Variants in SACS observed in about 807,000 individuals in gnomAD.
SACS encodes sacsin.
Under a neutral mutation model 348.0 loss-of-function variants are expected in SACS, and 197 were observed. That is an observed-to-expected ratio of 0.57 (90% CI 0.50 to 0.64). The LOEUF is 0.64. Ranked by LOEUF, SACS falls within the 30% of genes least tolerant of loss-of-function variation. The pLI is 0.00. For synonymous variants in SACS, 1,985 were observed against 1,910.6 expected (o/e 1.04, Z -1.02); for missense variants, 4,999 against 5,360.8 (o/e 0.93, Z 2.11).
chr13:23,342,019 C>T (rs1869289398), intron 9 of SACS, among the ~76,000 whole-genome samples: 1 of 152,008 alleles, frequency 6.6e-6, no homozygotes, highest in South Asian at 2.1e-4. Context: ...AATCTCCTGA[C>T]CTCGTGACCC....
chr13:23,401,713 T>A (rs1872984978), intron 2 of SACS, among the ~76,000 whole-genome samples: 1 of 152,252 alleles, frequency 6.6e-6, no homozygotes, highest in Non-Finnish European at 1.5e-5. Flanking sequence ...ACCACTTTTG[T>A]TTTACTTTCT....
chr13:23,339,550 T>A lies in SACS; in HGVS notation c.4326A>T (p.Arg1442Ser), dbSNP rs769882025. 6.2e-7 allele frequency: 1 copy of A among 1,613,366 alleles called. No homozygotes were observed. Among genetic ancestry groups the A allele is most frequent in the South Asian group, 1.1e-5 (1 of 91,062 alleles). ...ATCCCATGTTTTCAGGATTTATCAG[T>A]CTTGTACTAAGGCATGGAACTTTTA... ...EWLKVPCLST[R>S]LINPENMGFE... Residue 1442 changes from arginine (R) to serine (S), a missense_variant, in exon 10 of 10, where the codon AGA becomes AGT. This residue lies in a region of SACS where 3,156 missense variants were observed against 3,380.1 expected (regional missense o/e 0.93). Coordinates refer to ENST00000382292, the MANE Select transcript of SACS (RefSeq NM_014363.6).
At chr13:23,344,430 C>T (rs890823674) in intron 9 of SACS, among the ~76,000 whole-genome samples, 2 of 151,932 alleles carry the variant, frequency 1.3e-5, no homozygotes, top group South Asian at 2.1e-4. Flanking sequence ...ACTAACACAT[C>T]GGTCATGCTC....
chr13:23,405,126 A>C (rs551126408), intron 2 of SACS, among the ~76,000 whole-genome samples: 37 of 152,326 alleles, frequency 2.4e-4, no homozygotes, highest in African/African-American at 8.9e-4. Context: ...AAAAATAACA[A>C]AGCTGGAGGC....
At chr13:23,375,569 G>C in intron 2 of SACS, 1 of 1,039,718 alleles carries the variant, frequency 9.6e-7, no homozygotes, top group Non-Finnish European at 1.2e-6. Context: ...GCGCGCTCCC[G>C]GCCCACTCCC....
intron 9 of SACS, among the ~76,000 whole-genome samples, chr13:23,348,097 A>T (rs1449739492): frequency 6.6e-6 from 1 of 152,208 alleles, no homozygotes; most frequent in African/African-American, 2.4e-5. Flanking sequence ...AAATCCATTT[A>T]CCTGCTCTTC....
chr13:23,355,342 T>A lies in SACS; in HGVS notation c.1270A>T (p.Met424Leu). 1 of 1,614,146 alleles carries A rather than the reference T, an allele frequency of 6.2e-7. No homozygotes were observed. Among genetic ancestry groups the A allele is most frequent in the South Asian group, 1.1e-5 (1 of 91,086 alleles). The change falls in exon 8 of 10, where the codon ATG (methionine) becomes TTG (leucine). Residue 424 changes from methionine to leucine, a missense_variant. Coordinates refer to ENST00000382292, the MANE Select transcript of SACS (RefSeq NM_014363.6). ...LKFVPIIGIA[M>L]PLSSRDDEAK... ...TCATCATCTCTGCTTGATAAAGGCATGGCTATTCCAATGATTGGGACAAAT... is the reference window on the plus strand; with the variant it reads ...TCATCATCTCTGCTTGATAAAGGCAAGGCTATTCCAATGATTGGGACAAAT...
Position 23,334,587 on chromosome 13 carries a change from C to T in SACS, c.9289G>A (p.Asp3097Asn). 1 of 1,613,462 alleles carries T rather than the reference C, an allele frequency of 6.2e-7. No individual in the cohort carries two copies. Among genetic ancestry groups the T allele is most frequent in the Non-Finnish European group, 8.5e-7 (1 of 1,179,752 alleles). ...AATGTCATTAAAAAAGATCTGATAT[C>T]AGCAGGGGTCACATAACTAACAGGA... ...DIPVSYVTPA[D>N]IRSFLMTFSS... Residue 3097 changes from aspartate (D) to asparagine (N), a missense_variant, in exon 10 of 10, where the codon GAT (aspartate) becomes AAT (asparagine). Transcript: ENST00000382292.
chr13:23,330,305 T>C lies in SACS; in HGVS notation c.13571A>G (p.His4524Arg), dbSNP rs940411956. The change falls in exon 10 of 10, where the codon CAC (histidine) becomes CGC (arginine). Residue 4524 changes from histidine to arginine, a missense_variant. His to Arg is a conservative substitution (Grantham distance 29). Coordinates refer to ENST00000382292, the MANE Select transcript of SACS (RefSeq NM_014363.6). ...QQLEGLTNDV[H>R]TLEAYGVDSL... The stretch of plus-strand genomic sequence containing the variant: ...GTCTACACCATAAGCTTCCAATGTG[T>C]GAACATCATTTGTCAGTCCTTCAAG... 1 of 1,614,232 alleles carries C rather than the reference T, an allele frequency of 6.2e-7. No individual in the cohort carries two copies. The highest frequency in any genetic ancestry group is 2.2e-5 in the East Asian group (1 of 44,884).
At position 23,338,820 on chromosome 13, in the gene SACS, A is replaced by G; in HGVS notation, c.5056T>C (p.Phe1686Leu). 12 of 1,613,108 alleles carry G rather than the reference A, an allele frequency of 7.4e-6. No homozygotes were observed. The highest frequency in any genetic ancestry group is 1.0e-5 in the Non-Finnish European group (12 of 1,179,938). Residue 1686 changes from phenylalanine (F) to leucine (L), a missense_variant, in exon 10 of 10, where the codon TTC becomes CTC. This residue lies in a region of SACS where 3,156 missense variants were observed against 3,380.1 expected (regional missense o/e 0.93). Coordinates refer to ENST00000382292, the MANE Select transcript of SACS (RefSeq NM_014363.6). ...TACATTGACTTTACACTCTGAGTGA[A>G]AATGATAAGCCTGTGTCCACAGAGA... ...FSLCGHRLIIFTQSVKSMYLK... is the reference protein window; with the variant it reads ...FSLCGHRLIILTQSVKSMYLK...
Position 23,340,147 on chromosome 13 carries a change from T to C in SACS, c.3729A>G (p.Glu1243=), listed in dbSNP as rs756663705. ...AAATATGCTGGAATTGATAGTAGTC[T>C]TCATCACTAAAGGTTTTTGAAGAAT... ...DWYSSKTFSD[E]DYYQFQHILL... Residue 1243 remains glutamate (E), a synonymous_variant, in exon 10 of 10, where the codon GAA becomes GAG. Transcript: ENST00000382292. The C allele has an allele frequency of 9.3e-6, 15 of 1,613,564 alleles. No homozygotes were observed. Among genetic ancestry groups the C allele is most frequent in the African/African-American group, 8.0e-5 (6 of 74,920 alleles).
At chr13:23,379,555 C>T (rs184420621) in intron 2 of SACS, among the ~76,000 whole-genome samples, 1 of 152,300 alleles carries the variant, frequency 6.6e-6, no homozygotes, top group Middle Eastern at 3.4e-3. Flanking sequence ...AATCTCTTCA[C>T]CTCAACCTCA....
rs745906478 is a variant in SACS, at chr13:23,340,663, G to A, written c.3213C>T (p.Thr1071=). ...LKDLFCNEEG[T]YFPPSVFTSP... ...AGGTAAAAACTGAGGGTGGGAAATA[G>A]GTTCCTTCTTCATTACAAAAGAGAT... Residue 1071 remains threonine, a synonymous_variant, in exon 10 of 10, where the codon ACC becomes ACT. Transcript: ENST00000382292. The A allele has an allele frequency of 1.3e-6, 2 of 1,597,596 alleles. No homozygotes were observed. The highest frequency in any genetic ancestry group is 1.8e-5 in the Admixed American group (1 of 56,362).
At chr13:23,413,554 A>C (rs1301998500) in intron 1 of SACS, among the ~76,000 whole-genome samples, 2 of 152,190 alleles carry the variant, frequency 1.3e-5, no homozygotes, top group African/African-American at 4.8e-5. Flanking sequence ...GCTATGCAAC[A>C]ATGTTTCATT....
Position 23,337,856 on chromosome 13 carries a change from G to A in SACS, c.6020C>T (p.Ala2007Val). 1 of 1,613,878 alleles carries A rather than the reference G, an allele frequency of 6.2e-7. No homozygotes were observed. The highest frequency in any genetic ancestry group is 8.5e-7 in the Non-Finnish European group (1 of 1,179,958). The change falls in exon 10 of 10, where the codon GCA becomes GTA. Residue 2007 changes from alanine (A) to valine (V), a missense_variant. Transcript: ENST00000382292. The stretch of plus-strand genomic sequence containing the variant: ...GTATTTCAAAAATATCTTGAAGGCT[G>A]CTGAACCAACATCTCTTCTTTTAAG... ...SILKRRDVGS[A>V]AFKIFLKYLK...
At position 23,341,277 on chromosome 13, in the gene SACS, A is replaced by G. The variant is rs774682589; in HGVS notation, c.2599T>C (p.Tyr867His). ...GCACTTGGTAATGGTGAATGAATAT[A>G]TTTTTTAATAAGCGGATGTTGTATA... Reference protein sequence around the residue: ...ASIQHPLIKKYIHSPLPSAVL... With the variant: ...ASIQHPLIKKHIHSPLPSAVL... Residue 867 changes from tyrosine (Y) to histidine (H), a missense_variant, in exon 10 of 10, where the codon TAT becomes CAT. Coordinates refer to ENST00000382292, the MANE Select transcript of SACS (RefSeq NM_014363.6). 6.2e-6 allele frequency: 10 copies of G among 1,613,688 alleles called. No homozygotes were observed. The highest frequency in any genetic ancestry group is 7.6e-6 in the Non-Finnish European group (9 of 1,179,762).
chr13:23,368,961 A>C (rs981938251), intron 4 of SACS, among the ~76,000 whole-genome samples: 1 of 152,218 alleles, frequency 6.6e-6, no homozygotes, highest in South Asian at 2.1e-4. Flanking sequence ...GGCCTCCCAA[A>C]GTGCTGGGAT....
chr13:23,419,204 G>C (rs536164761), intron 1 of SACS: 15 of 152,366 alleles, frequency 9.8e-5, no homozygotes, highest in African/African-American at 2.9e-4. Flanking sequence ...GGACAGGCAC[G>C]GGAGCTGAGA....
chr13:23,339,546 T>C lies in SACS; in HGVS notation c.4330A>G (p.Ile1444Val). Reference protein sequence around the residue: ...LKVPCLSTRLINPENMGFEQS... With the variant: ...LKVPCLSTRLVNPENMGFEQS... Reference sequence around the variant, plus strand: ...TCAAATCCCATGTTTTCAGGATTTATCAGTCTTGTACTAAGGCATGGAACT... The same window carrying C: ...TCAAATCCCATGTTTTCAGGATTTACCAGTCTTGTACTAAGGCATGGAACT... Residue 1444 changes from isoleucine (I) to valine (V), a missense_variant, in exon 10 of 10, where the codon ATA (isoleucine) becomes GTA (valine). This residue lies in a region of SACS where 3,156 missense variants were observed against 3,380.1 expected (regional missense o/e 0.93). Coordinates refer to ENST00000382292, the MANE Select transcript of SACS (RefSeq NM_014363.6). The C allele has an allele frequency of 6.2e-7, 1 of 1,613,324 alleles. No individual in the cohort carries two copies. Among genetic ancestry groups the C allele is most frequent in the Non-Finnish European group, 8.5e-7 (1 of 1,179,346 alleles).
Sources: allele counts gnomAD v4.1 joint callset (sites outside exome capture counted in the v4.1 genomes callset), GRCh38; gene constraint gnomAD v4.1.1; regional missense constraint gnomAD v4.1.1; transcripts MANE v1.5; gene names NCBI Gene and HGNC (gene_info 2026-07-23, HGNC 2026-07-21).